The following IRAG2 variants were observed in gnomAD, a reference collection of about 807,000 sequenced individuals.
IRAG2 encodes inositol 1,4,5-triphosphate receptor associated 2, also known as lymphoid restricted membrane protein.
In IRAG2, 45 loss-of-function variants were observed where a neutral mutation model predicts 69.9. That is an observed-to-expected ratio of 0.64 (90% CI 0.51 to 0.83). The LOEUF (loss-of-function observed/expected upper bound fraction) is 0.83. IRAG2 is among the 40% of genes least tolerant of loss of function. The pLI is 0.00. For missense variants in IRAG2, 520 were observed against 587.0 expected (o/e 0.89, Z 1.18); for synonymous variants, 193 against 202.4 (o/e 0.95, Z 0.40).
intron 6 of IRAG2, among the ~76,000 whole-genome samples, chr12:25,075,986 A>G (rs2140069950): frequency 6.6e-6 from 1 of 152,268 alleles, no homozygotes; most frequent in South Asian, 2.1e-4. Context: ...AGCTAGAAGA[A>G]AAGAGCCCAA....
At chr12:25,058,720 T>C (rs1463449371) in intron 1 of IRAG2, among the ~76,000 whole-genome samples, 2 of 152,364 alleles carry the variant, frequency 1.3e-5, no homozygotes, top group Admixed American at 6.5e-5. Context: ...AGAAAGTTGC[T>C]TTATCTCAAC....
chr12:25,052,668 G>A (rs941808217), upstream of IRAG2: 13 of 397,508 alleles, frequency 3.3e-5, no homozygotes, highest in Admixed American at 8.8e-5. Flanking sequence ...AAGTTCAGGA[G>A]AGGCTTATCA....
At chr12:25,052,575 A>C (rs1565537423), upstream of IRAG2, 1 of 397,256 alleles carries the variant, frequency 2.5e-6, no homozygotes, top group African/African-American at 2.1e-5. Context: ...ACTCTGCAGA[A>C]AGAGGCAACT....
intron 8 of IRAG2, among the ~76,000 whole-genome samples, chr12:25,026,383 C>T (rs1944621706): frequency 6.6e-6 from 1 of 152,032 alleles, no homozygotes; most frequent in Non-Finnish European, 1.5e-5. Flanking sequence ...GGAATGGAGG[C>T]ATTTGGAAGG....
chr12:25,035,848 C>G, intron 14 of IRAG2: 1 of 398,558 alleles, frequency 2.5e-6, no homozygotes, highest in East Asian at 3.6e-5. Flanking sequence ...CTGCAGATAA[C>G]TGACCTGCAA....
In IRAG2 at chr12:25,034,766, C is replaced by T. The variant is rs529990771; in HGVS notation, c.1743+819C>T. ...CCACCTTGAAAGGAGAGAAAGAATGCCTTTGGGCAAACGCTATTTGAATTG... is the reference window on the plus strand; with the variant it reads ...CCACCTTGAAAGGAGAGAAAGAATGTCTTTGGGCAAACGCTATTTGAATTG... On this transcript the variant is annotated intron_variant, in intron 13 of 38. Coordinates refer to the IRAG2 transcript ENST00000636465. 2.0e-5 allele frequency among the ~76,000 whole-genome samples: 3 copies of T among 152,330 alleles called. No homozygotes were observed. In the East Asian group the frequency reaches 5.8e-4, roughly 29 times the overall value.
At chr12:25,059,774 G>A (rs2139953594) in intron 1 of IRAG2, among the ~76,000 whole-genome samples, 1 of 152,068 alleles carries the variant, frequency 6.6e-6, no homozygotes, top group East Asian at 1.9e-4. Context: ...TGAGAAGTAA[G>A]TTATTTTTAC....
chr12:25,065,922 G>A (rs1167790376), intron 4 of IRAG2, among the ~76,000 whole-genome samples: 4 of 151,936 alleles, frequency 2.6e-5, no homozygotes, highest in East Asian at 1.9e-4. Context: ...AACCTGCCTC[G>A]GACTCCTAAA....
chr12:25,018,202 T>TTC (rs1359920286), intron 6 of IRAG2, among the ~76,000 whole-genome samples: 1 of 144,668 alleles, frequency 6.9e-6, no homozygotes, highest in Non-Finnish European at 1.5e-5. Flanking sequence ...TCTTTTTTTT[T>TTC]TTTTTTTTTT....
At chr12:25,024,872 C>G in intron 8 of IRAG2, among the ~76,000 whole-genome samples, 1 of 152,124 alleles carries the variant, frequency 6.6e-6, no homozygotes, top group Non-Finnish European at 1.5e-5. Context: ...AGAATTGTAC[C>G]AAACCAGTTC....
At chr12:25,088,216 G>A in intron 11 of IRAG2, 59 bp downstream of exon 11, 1 of 1,385,390 alleles carries the variant, frequency 7.2e-7, no homozygotes, top group Non-Finnish European at 1.0e-6. Flanking sequence ...ATATTTTTGT[G>A]GGTGAAATCT....
Position 25,086,325 on chromosome 12 carries a change from G to A in IRAG2, c.316-1775G>A, listed in dbSNP as rs577578255. 1.2e-4 allele frequency among the ~76,000 whole-genome samples: 18 copies of A among 152,266 alleles called. 1 individual carries two copies. The South Asian group carries it at 2.1e-3, about 18-fold the overall frequency. ...ACCCAGGCTTATGGCTTAACCTACC[G>A]AATGAATAGAATAACATGACAGTAG... is the stretch of plus-strand genomic sequence containing the variant. On this transcript the variant is annotated intron_variant, in intron 10 of 21. Transcript: ENST00000556887.
intron 1 of IRAG2, among the ~76,000 whole-genome samples, chr12:25,054,007 A>G (rs912003491): frequency 4.6e-5 from 7 of 152,138 alleles, no homozygotes; most frequent in Non-Finnish European, 8.8e-5. Flanking sequence ...CGAGGTGGGC[A>G]GATTGCTTGA....
At chr12:25,008,984 T>C (rs569731051) in intron 2 of IRAG2, among the ~76,000 whole-genome samples, 1 of 152,286 alleles carries the variant, frequency 6.6e-6, no homozygotes, top group East Asian at 1.9e-4. Context: ...TCCATGTCAA[T>C]TGGATATTAA....
At chr12:25,071,243 G>A (rs1208809793) in intron 6 of IRAG2, among the ~76,000 whole-genome samples, 2 of 152,136 alleles carry the variant, frequency 1.3e-5, no homozygotes, top group Non-Finnish European at 2.9e-5. Context: ...CTACTTGGAA[G>A]GCTGAGGCAG....
At chr12:25,059,438 G>T (rs956774691) in intron 1 of IRAG2, among the ~76,000 whole-genome samples, 1 of 151,946 alleles carries the variant, frequency 6.6e-6, no homozygotes, top group Non-Finnish European at 1.5e-5. Context: ...TGCAACCTCC[G>T]CCTCCCGGGT....
intron 6 of IRAG2, among the ~76,000 whole-genome samples, chr12:25,073,868 A>C (rs1457593387): frequency 6.6e-6 from 1 of 152,222 alleles, no homozygotes; most frequent in East Asian, 1.9e-4. Context: ...AGAGGGTGAG[A>C]GTTTGAAACA....
intron 16 of IRAG2, among the ~76,000 whole-genome samples, chr12:25,041,195 TG>T (rs941196341): frequency 9.9e-5 from 15 of 151,644 alleles, no homozygotes; most frequent in Middle Eastern, 3.4e-3. Flanking sequence ...TGGGGCAGGG[TG>T]GGGGGTAAGC....
chr12:25,100,169 A>G (rs556206093), intron 15 of IRAG2, among the ~76,000 whole-genome samples: 1 of 152,142 alleles, frequency 6.6e-6, no homozygotes, highest in South Asian at 2.1e-4. Flanking sequence ...ACCCACGAGG[A>G]TGGCTATGGT....
Sources: allele counts gnomAD v4.1 joint callset (sites outside exome capture counted in the v4.1 genomes callset), GRCh38; gene constraint gnomAD v4.1.1; transcripts MANE v1.5; gene names NCBI Gene and HGNC (gene_info 2026-07-23, HGNC 2026-07-21).